KCNMA1: variants seen among roughly 807,000 people sequenced by gnomAD.
The protein encoded by KCNMA1 is Calcium-activated potassium channel subunit alpha-1.
In KCNMA1, 29 loss-of-function variants were observed where a neutral mutation model predicts 140.0. The observed-to-expected ratio is 0.21, with a 90% CI of 0.15 to 0.28. The LOEUF (loss-of-function observed/expected upper bound fraction) is 0.28. KCNMA1 is among the 10% of genes least tolerant of loss of function. The probability of loss-of-function intolerance (pLI) is 1.00; values close to 1 mark genes in which losing one functional copy is unlikely to be tolerated. For synonymous variants in KCNMA1, 612 were observed against 611.9 expected, an observed-to-expected ratio of 1.00 and a Z score of 0.00; for missense variants, 880 against 1,602.2, an observed-to-expected ratio of 0.55 and a Z score of 7.70.
At chr10:77,265,557 T>C (rs1257875971) in intron 2 of KCNMA1, among the ~76,000 whole-genome samples, 1 of 152,230 alleles carries the variant, frequency 6.6e-6, no homozygotes, top group Non-Finnish European at 1.5e-5. Context: ...AATATATCTA[T>C]AAAAATATAC....
intron 5 of KCNMA1, among the ~76,000 whole-genome samples, chr10:77,138,925 A>G (rs542769969): frequency 2.0e-4 from 30 of 152,264 alleles, no homozygotes; most frequent in African/African-American, 7.2e-4. Context: ...CTTCGCCGCC[A>G]TTATCCATTC....
intron 23 of KCNMA1, 57 bp from the exon 24 acceptor site, chr10:76,915,106 T>A (rs1210213463): frequency 1.6e-6 from 2 of 1,257,112 alleles, no homozygotes; most frequent in South Asian, 1.2e-5. Flanking sequence ...AATTTGGAAA[T>A]AATCAGAGTA....
chr10:77,094,855 C>G (rs766046767), intron 9 of KCNMA1, among the ~76,000 whole-genome samples: 13 of 151,896 alleles, frequency 8.6e-5, no homozygotes, highest in Non-Finnish European at 1.3e-4. Flanking sequence ...CATGCCACCA[C>G]AGCTGGCTAA....
downstream of KCNMA1, chr10:76,872,548 A>T (rs2031554994): frequency 6.6e-6 from 1 of 152,192 alleles, no homozygotes; most frequent in African/African-American, 2.4e-5. Context: ...AGCCCCTTCC[A>T]TGAAGTCTCA....
downstream of KCNMA1, among the ~76,000 whole-genome samples, chr10:76,882,490 T>C (rs2035062169): frequency 6.6e-6 from 1 of 152,050 alleles, no homozygotes; most frequent in African/African-American, 2.4e-5. Context: ...GCCTCCTCCG[T>C]CCCCACCCAC....
chr10:76,877,548 C>A (rs949288518), downstream of KCNMA1: 1 of 468,878 alleles, frequency 2.1e-6, no homozygotes, highest in South Asian at 2.3e-5. Context: ...TAAATGAAAT[C>A]ATTTTCTTTT....
chr10:77,587,736 T>C, intron 1 of KCNMA1: 1 of 985,394 alleles, frequency 1.0e-6, no homozygotes, highest in Non-Finnish European at 1.2e-6. Flanking sequence ...CTGTTTTGCT[T>C]TCCCAGGTGC....
intron 25 of KCNMA1, among the ~76,000 whole-genome samples, chr10:76,892,477 G>GTTT (rs2040579158): frequency 6.6e-6 from 1 of 152,180 alleles, no homozygotes; most frequent in African/African-American, 2.4e-5. Flanking sequence ...AGCTTTAAAA[G>GTTT]GTATTTGTCA....
intron 1 of KCNMA1, among the ~76,000 whole-genome samples, chr10:77,618,673 G>A (rs1348560005): frequency 6.6e-6 from 1 of 152,206 alleles, no homozygotes; most frequent in African/African-American, 2.4e-5. Context: ...CCAGAAAAGT[G>A]ACTGAACTGC....
intron 14 of KCNMA1, among the ~76,000 whole-genome samples, chr10:77,058,064 G>A (rs2095607523): frequency 6.6e-6 from 1 of 151,702 alleles, no homozygotes; most frequent in Admixed American, 6.6e-5. Flanking sequence ...CAAAAAAGAG[G>A]AGAAAAGATA....
At chr10:77,208,078 G>A (rs1362316571) in intron 3 of KCNMA1, among the ~76,000 whole-genome samples, 2 of 152,220 alleles carry the variant, frequency 1.3e-5, no homozygotes, top group African/African-American at 4.8e-5. Flanking sequence ...CACATTCTCA[G>A]TTTCTGACAA....
intron 1 of KCNMA1, among the ~76,000 whole-genome samples, chr10:77,454,543 G>C (rs999792948): frequency 2.6e-5 from 4 of 152,100 alleles, no homozygotes; most frequent in African/African-American, 9.7e-5. Flanking sequence ...CCAGTTTTGT[G>C]TTTTAGCCAC....
At position 77,637,362 on chromosome 10, in the gene KCNMA1, G is replaced by A; in HGVS notation, c.281C>T (p.Ser94Phe). 6.2e-7 allele frequency: 1 copy of A among 1,613,978 alleles called. No individual in the cohort carries two copies. Among genetic ancestry groups the A allele is most frequent in the Non-Finnish European group, 8.5e-7 (1 of 1,179,964 alleles). The change falls in exon 1 of 28, where the codon TCC becomes TTC. Residue 94 changes from serine to phenylalanine, a missense_variant. Physicochemically the swap from Ser to Phe is radical, Grantham distance 155 (BLOSUM62 -2). Transcript: ENST00000286628. The part of the protein sequence containing the change: ...QRMWWAFLAS[S>F]MVTFFGGLFI... ...GAGGCCCCCGAAGAAAGTCACCATG[G>A]AGGAGGCCAGGAAAGCCCACCACAT...
intron 2 of KCNMA1, among the ~76,000 whole-genome samples, chr10:77,338,602 T>A (rs2089982944): frequency 6.6e-6 from 1 of 152,258 alleles, no homozygotes; most frequent in East Asian, 1.9e-4. Flanking sequence ...GGAGGACCAC[T>A]ACAGACTCCA....
chr10:77,183,467 C>G lies in KCNMA1; in HGVS notation c.762G>C (p.Thr254=), dbSNP rs201814722. 10 of 1,613,822 alleles carry G rather than the reference C, an allele frequency of 6.2e-6. No homozygotes were observed. Among genetic ancestry groups the G allele is most frequent in the Non-Finnish European group, 8.5e-6 (10 of 1,179,952 alleles). ...LEVNSVVDFF[T]VPPVFVSVYL... ...ACACAGACACAAACACGGGGGGCAC[C>G]GTGAAGAAATCCACTACAGAGTTCA... Residue 254 remains threonine, a synonymous_variant, in exon 5 of 28, where the codon ACG becomes ACC. Transcript: ENST00000286628.
chr10:77,087,654 A>T (rs1331775458), intron 10 of KCNMA1, among the ~76,000 whole-genome samples: 1 of 152,190 alleles, frequency 6.6e-6, no homozygotes, highest in East Asian at 1.9e-4. Flanking sequence ...CTTGGTGCTG[A>T]TCTGTACTGA....
At chr10:77,216,344 T>A (rs949171774) in intron 3 of KCNMA1, among the ~76,000 whole-genome samples, 1 of 152,056 alleles carries the variant, frequency 6.6e-6, no homozygotes, top group Admixed American at 6.6e-5. Flanking sequence ...TAAAACATAT[T>A]TCAATAAAAC....
At chr10:77,322,711 T>C (rs964253186) in intron 2 of KCNMA1, among the ~76,000 whole-genome samples, 1 of 152,122 alleles carries the variant, frequency 6.6e-6, no homozygotes, top group African/African-American at 2.4e-5. Context: ...AATTTTCCTC[T>C]ACCTGGGAGC....
At chr10:77,618,518 G>A (rs1336526922) in intron 1 of KCNMA1, among the ~76,000 whole-genome samples, 1 of 152,204 alleles carries the variant, frequency 6.6e-6, no homozygotes, top group Non-Finnish European at 1.5e-5. Flanking sequence ...AAGAAATGCA[G>A]AGGGAAGACT....
Sources: gnomAD v4.1 joint callset for allele counts (sites outside exome capture counted in the v4.1 genomes callset) on GRCh38, gnomAD v4.1.1 for gene constraint, MANE v1.5 for transcripts, NCBI Gene and HGNC (gene_info 2026-07-23, HGNC 2026-07-21) for gene names.